MAPDA: variants seen among roughly 807,000 people sequenced by gnomAD.
The protein encoded by MAPDA is N6-Methyl-AMP deaminase, also known as N6,N6-dimethyl-AMP deaminase.
the MAPDA span, among the ~76,000 whole-genome samples, chr15:43,347,899 C>G: frequency 6.6e-6 from 1 of 152,124 alleles, no homozygotes. Flanking sequence ...GACTTAAAAT[C>G]TAGAATCTAT....
chr15:43,342,162 A>G, the MAPDA span, among the ~76,000 whole-genome samples: 1 of 152,044 alleles, frequency 6.6e-6, no homozygotes, highest in African/African-American at 2.4e-5. Context: ...ATAATTTTAT[A>G]TATTTTACCA....
the MAPDA span, chr15:43,334,914 C>A: frequency 2.0e-6 from 1 of 487,846 alleles, no homozygotes. Context: ...TTTGCTTTTA[C>A]ATCTGAAAAT....
chr15:43,347,137 T>A, the MAPDA span: 1 of 1,486,112 alleles, frequency 6.7e-7, no homozygotes, highest in East Asian at 2.3e-5. Flanking sequence ...CAGATTGTAA[T>A]AGAAAATAAT....
chr15:43,349,264 C>T, the MAPDA span: 18 of 1,262,862 alleles, frequency 1.4e-5, no homozygotes, highest in Non-Finnish European at 1.7e-5. Flanking sequence ...TTGTCTTATT[C>T]GTTGTTACAT....
chr15:43,330,704 T>A, the MAPDA span: 2 of 475,450 alleles, frequency 4.2e-6, no homozygotes, highest in Non-Finnish European at 7.4e-6. Flanking sequence ...GCGGCTGACC[T>A]TTCTTTGGAA....
chr15:43,340,108 G>T, the MAPDA span, among the ~76,000 whole-genome samples: 2 of 152,208 alleles, frequency 1.3e-5, no homozygotes, highest in South Asian at 4.1e-4. Context: ...TCTCCATCAG[G>T]GATGTGACAA....
chr15:43,351,731 ATTC>A, the MAPDA span: 1 of 1,508,798 alleles, frequency 6.6e-7, no homozygotes, highest in Non-Finnish European at 8.9e-7. Flanking sequence ...ATTTTGAAAC[ATTC>A]TTGTTTACGT....
chr15:43,345,788 G>A, the MAPDA span: 299 of 1,584,580 alleles, frequency 1.9e-4, no homozygotes, highest in Admixed American at 5.0e-4. Flanking sequence ...CTGTCTGGCT[G>A]TACTCAGAAT....
the MAPDA span, chr15:43,351,722 T>C: frequency 6.7e-7 from 1 of 1,501,322 alleles, no homozygotes; most frequent in South Asian, 1.3e-5. Context: ...TCCTTTTTCA[T>C]TTTGAAACAT....
chr15:43,347,166 C>A, the MAPDA span: 2 of 1,255,572 alleles, frequency 1.6e-6, no homozygotes, highest in Non-Finnish European at 2.3e-6. Context: ...TTGTAAGTGA[C>A]TAGGAATAAA....
the MAPDA span, among the ~76,000 whole-genome samples, chr15:43,336,856 G>A: frequency 6.6e-6 from 1 of 152,154 alleles, no homozygotes; most frequent in Non-Finnish European, 1.5e-5. Context: ...AGCTAGTACA[G>A]AAAAACTGTG....
At chr15:43,346,994 T>A in the MAPDA span, 1 of 1,601,936 alleles carries the variant, frequency 6.2e-7, no homozygotes, top group Non-Finnish European at 8.5e-7. Flanking sequence ...CATGCATCCT[T>A]ATTTTAACTT....
chr15:43,345,989 T>C, the MAPDA span: 1 of 1,613,780 alleles, frequency 6.2e-7, no homozygotes, highest in Non-Finnish European at 8.5e-7. Context: ...CTGTAAGTTA[T>C]TTTTCCTACG....
the MAPDA span, among the ~76,000 whole-genome samples, chr15:43,350,087 G>A: frequency 6.6e-5 from 10 of 151,878 alleles, no homozygotes; most frequent in African/African-American, 2.2e-4. Context: ...TTTGGGGGGC[G>A]GGGGACGGAG....
At chr15:43,349,063 A>T in the MAPDA span, 1 of 1,613,998 alleles carries the variant, frequency 6.2e-7, no homozygotes, top group Non-Finnish European at 8.5e-7. Context: ...TTGGAGTTTC[A>T]GGTCTTCCAG....
chr15:43,340,397 TGCTTTGATCACTCACATGTTTGTGAGTG>T, the MAPDA span: 1 of 1,509,928 alleles, frequency 6.6e-7, no homozygotes, highest in Non-Finnish European at 9.2e-7. Context: ...TTTTCCTATG[TGCTTTGATCACTCACATGTTTGTGAGTG>T]GGAATATGAA....
chr15:43,330,439 G>T, the MAPDA span: 5 of 1,554,268 alleles, frequency 3.2e-6, no homozygotes, highest in Non-Finnish European at 4.3e-6. Flanking sequence ...CGCTGCTGTC[G>T]TTGGTGTTCT....
chr15:43,346,090 CCATTCTG>C, the MAPDA span: 6 of 1,433,486 alleles, frequency 4.2e-6, no homozygotes, highest in Non-Finnish European at 5.7e-6. Context: ...AACAGACACT[CCATTCTG>C]TGGATGAAGG....
chr15:43,353,474 T>G, the MAPDA span: 1 of 152,198 alleles, frequency 6.6e-6, no homozygotes, highest in Admixed American at 6.5e-5. Context: ...TATTTGGTCT[T>G]TGACCCTGTT....
Sources: gnomAD v4.1 joint callset for allele counts (sites outside exome capture counted in the v4.1 genomes callset) on GRCh38, gnomAD v4.1.1 for gene constraint, MANE v1.5 for transcripts, NCBI Gene and HGNC (gene_info 2026-07-23, HGNC 2026-07-21) for gene names.